PXN: variants seen among roughly 807,000 people sequenced by gnomAD.
PXN encodes the protein paxillin, also known as testicular tissue protein Li 134.
PXN carries 61 observed loss-of-function variants against 103.6 expected under a neutral mutation model. That is an observed-to-expected ratio of 0.59 (90% CI 0.48 to 0.73). PXN has a LOEUF of 0.73. PXN is among the 30% of genes least tolerant of loss of function. The pLI, the probability that PXN is intolerant of heterozygous loss-of-function variation, is 0.00. For synonymous variants in PXN, 562 were observed against 607.8 expected, an observed-to-expected ratio of 0.92 and a Z score of 1.11; for missense variants, 1,274 against 1,460.3, an observed-to-expected ratio of 0.87 and a Z score of 2.08.
rs978436381 is a variant in PXN, at chr12:120,229,120, C to T, written c.14-4743G>A. ...ACATTCCTGTACCCACCTAGGGGCT[C>T]CGGGTGGAAGGAAACCTGGGTCCCC... On this transcript the variant is annotated intron_variant, in intron 1 of 14. Transcript: ENST00000637617. This position sits in a 1 kb window ranked among gnomAD's most constrained non-coding sequence, Gnocchi z 4.0. 1.2e-4 allele frequency among the ~76,000 whole-genome samples: 18 copies of T among 152,184 alleles called. No homozygotes were observed. Among genetic ancestry groups the T allele is most frequent in the Non-Finnish European group, 1.9e-4 (13 of 68,030 alleles).
Position 120,228,614 on chromosome 12 carries a change from GGC to G in PXN, c.14-4239_14-4238del, listed in dbSNP as rs1332414575. 1.3e-5 allele frequency among the ~76,000 whole-genome samples: 2 copies of G among 152,210 alleles called. No homozygotes were observed. Among genetic ancestry groups the G allele is most frequent in the Non-Finnish European group, 2.9e-5 (2 of 68,038 alleles). ...GAAGACTGGGGAGCCCCTGGCCATGGGCGCAGTGGGGAAGTTTCTATCCTTAG... is the reference window on the plus strand; with the variant it reads ...GAAGACTGGGGAGCCCCTGGCCATGGGCAGTGGGGAAGTTTCTATCCTTAG... On this transcript the variant is annotated intron_variant, in intron 1 of 14. Transcript: ENST00000637617. This position sits in a 1 kb window ranked among gnomAD's most constrained non-coding sequence, Gnocchi z 4.7.
intron 1 of PXN, among the ~76,000 whole-genome samples, chr12:120,240,207 C>G (rs922106384): frequency 1.3e-5 from 2 of 152,080 alleles, no homozygotes; most frequent in Non-Finnish European, 2.9e-5. Context: ...ATAAAGCAGT[C>G]CTGGTACATC....
chr12:120,226,611 A>C, intron 1 of PXN: 1 of 1,189,572 alleles, frequency 8.4e-7, no homozygotes, highest in Admixed American at 3.6e-5. Context: ...TATGGATTGG[A>C]TTCAGGTTTA....
chr12:120,218,558 T>G (rs1267082083), intron 7 of PXN, among the ~76,000 whole-genome samples: 1 of 152,154 alleles, frequency 6.6e-6, no homozygotes, highest in East Asian at 1.9e-4. Flanking sequence ...GTATCTTTAG[T>G]AGAGATGGGG....
intron 1 of PXN, among the ~76,000 whole-genome samples, chr12:120,231,567 AG>A (rs1170797505): frequency 1.3e-5 from 2 of 151,988 alleles, no homozygotes; most frequent in Non-Finnish European, 2.9e-5. Context: ...CCAGGGGAGG[AG>A]GGGGTGGTCA....
intron 3 of PXN, 27 bp downstream of exon 3, chr12:120,223,691 G>C (rs201664361): frequency 3.0e-4 from 455 of 1,505,062 alleles, no homozygotes; most frequent in Non-Finnish European, 3.8e-4. Flanking sequence ...CAGGAGGGAA[G>C]GTGCCCTGGG....
chr12:120,245,987 AC>A (rs1392573743), intron 1 of PXN, among the ~76,000 whole-genome samples: 1 of 152,164 alleles, frequency 6.6e-6, no homozygotes, highest in African/African-American at 2.4e-5. Context: ...ATTAATTTAA[AC>A]CTGCAAACCA....
At position 120,220,471 on chromosome 12, in the gene PXN, C is replaced by T. The variant is rs2136271273; in HGVS notation, c.832-380G>A. ...GCTGAACCCGCCTCGGACACTGGCC[C>T]AACTCGGCCATGTCCCTCCGGACAA... On this transcript the variant is annotated intron_variant, in intron 6 of 14. Coordinates refer to ENST00000637617, the MANE Select transcript of PXN (RefSeq NM_001385981.1). The surrounding 1 kb of genome is among the most constrained non-coding windows in gnomAD (Gnocchi z 6.1). Among the ~76,000 whole-genome samples the T allele has an allele frequency of 6.6e-6, 1 of 152,304 alleles. No homozygotes were observed. The highest frequency in any genetic ancestry group is 3.4e-3 in the Middle Eastern group (1 of 294).
intron 1 of PXN, chr12:120,249,813 G>A (rs994383199): frequency 4.1e-6 from 4 of 967,710 alleles, no homozygotes; most frequent in Non-Finnish European, 4.9e-6. Flanking sequence ...GGACACAGCA[G>A]AAGAGGCCAT....
Position 120,225,484 on chromosome 12 carries a change from C to T in PXN, c.14-1107G>A, listed in dbSNP as rs560818019. The T allele has an allele frequency of 1.3e-5, 2 of 152,298 alleles. No homozygotes were observed. The highest frequency in any genetic ancestry group is 2.9e-5 in the Non-Finnish European group (2 of 68,154). 9.4% of individuals were successfully genotyped at this position (152,298 alleles called of 1,614,324 possible). ...CTGCTAGGCATTCTAGCAGCATGTA[C>T]GAGGTCTCCGTTAATCCCCCTAATA... On this transcript the variant is annotated intron_variant, in intron 1 of 14. Coordinates refer to ENST00000637617, the MANE Select transcript of PXN (RefSeq NM_001385981.1). The surrounding 1 kb of genome is among the most constrained non-coding windows in gnomAD (Gnocchi z 4.4).
intron 1 of PXN, among the ~76,000 whole-genome samples, chr12:120,262,633 C>T (rs750962163): frequency 6.6e-6 from 1 of 152,124 alleles, no homozygotes; most frequent in Admixed American, 6.6e-5. Flanking sequence ...TCCCATGAAG[C>T]GCACATGATC....
chr12:120,228,487 AG>A lies in PXN; in HGVS notation c.14-4111del, dbSNP rs1055506673. Among the ~76,000 whole-genome samples the A allele has an allele frequency of 2.0e-5, 3 of 152,202 alleles. No individual in the cohort carries two copies. The highest frequency in any genetic ancestry group is 7.2e-5 in the African/African-American group (3 of 41,462). On this transcript the variant is annotated intron_variant, in intron 1 of 14. Coordinates refer to ENST00000637617, the MANE Select transcript of PXN (RefSeq NM_001385981.1). The surrounding 1 kb of genome is among the most constrained non-coding windows in gnomAD (Gnocchi z 4.7). ...TGTCCTGGCTCCGCCCTGGTGAGGA[AG>A]GGGTGCAGACTGTCTGCTGCTCCCC...
rs116782844 is a variant in PXN at position 120,223,865 on chromosome 12, C to G, written c.241-32G>C. On this transcript the variant is annotated intron_variant, in intron 2 of 14. Transcript: ENST00000637617. ...GAAGGAGAATGCTCAGAGGCTACCC[C>G]GAGGGGAGAAAAAGGAACAGGGGCC... 2,235 of 1,498,240 alleles carry G rather than the reference C, an allele frequency of 1.5e-3. 20 individuals are homozygous for G. In the African/African-American group the frequency reaches 0.025, roughly 17 times the overall value. The allele number at this position is 1,498,240 out of a possible 1,614,324, so 92.8% of individuals were successfully genotyped here.
Position 120,225,805 on chromosome 12 carries a change from G to A in PXN, c.14-1428C>T, listed in dbSNP as rs1410569608. 6.5e-6 allele frequency: 1 copy of A among 153,762 alleles called. No individual in the cohort carries two copies. Among genetic ancestry groups the A allele is most frequent in the Non-Finnish European group, 1.4e-5 (1 of 69,026 alleles). 9.5% of individuals were successfully genotyped at this position (153,762 alleles called of 1,614,324 possible). On this transcript the variant is annotated intron_variant, in intron 1 of 14. Coordinates refer to ENST00000637617, the MANE Select transcript of PXN (RefSeq NM_001385981.1). The surrounding 1 kb of genome is among the most constrained non-coding windows in gnomAD (Gnocchi z 4.4). The stretch of plus-strand genomic sequence containing the variant: ...GTCCCCCAACCTGTGTTCAGAGGAG[G>A]GAATAGAGAAGCAAGGCCCTCACCC...
In PXN at chr12:120,216,887, GTGA is replaced by G. The variant is rs765494433; in HGVS notation, c.1943_1945del (p.Ile648del). The G allele has an allele frequency of 1.4e-5, 22 of 1,519,720 alleles. No individual in the cohort carries two copies. In the African/African-American group the frequency reaches 2.6e-4, roughly 18 times the overall value. 94.1% of individuals were successfully genotyped at this position (1,519,720 alleles called of 1,614,324 possible). On this transcript the variant is annotated inframe_deletion, in exon 8 of 15. Coordinates refer to ENST00000637617, the MANE Select transcript of PXN (RefSeq NM_001385981.1). The surrounding 1 kb of genome is among the most constrained non-coding windows in gnomAD (Gnocchi z 5.1). ...GGCCCGCTTCCCACGTGGCTGCACA[GTGA>G]TGATGACGCCCTCGGTCAGCCAGTC...
At position 120,222,713 on chromosome 12, in the gene PXN, C is replaced by T; in HGVS notation, c.531G>A (p.Leu177=). 6.2e-7 allele frequency: 1 copy of T among 1,608,892 alleles called. No individual in the cohort carries two copies. The highest frequency in any genetic ancestry group is 1.1e-5 in the South Asian group (1 of 90,190). ...TCTCTGGGACACCATAGAGGGGGCT[C>T]AGGGCCCCAGGAAGCGGGGGGCTTG... ...ANSSPPLPGA[L]SPLYGVPETN... The change falls in exon 5 of 15, where the codon CTG becomes CTA. Residue 177 remains leucine (L), a synonymous_variant. Coordinates refer to ENST00000637617, the MANE Select transcript of PXN (RefSeq NM_001385981.1). This position sits in a 1 kb window ranked among gnomAD's most constrained non-coding sequence, Gnocchi z 4.7.
intron 1 of PXN, among the ~76,000 whole-genome samples, chr12:120,242,992 T>G (rs1890416580): frequency 6.6e-6 from 1 of 152,154 alleles, no homozygotes; most frequent in Non-Finnish European, 1.5e-5. Context: ...CCAATGAAGA[T>G]GCAAAGCCTA....
rs143567159 is a variant in PXN, at chr12:120,211,975, A to C, written c.*339T>G. On this transcript the variant is annotated 3_prime_UTR_variant, in exon 15 of 15. Coordinates refer to ENST00000637617, the MANE Select transcript of PXN (RefSeq NM_001385981.1). The stretch of plus-strand genomic sequence containing the variant: ...CCTGCCCCCCGGCTGCACTGCTGAA[A>C]TATGAGGAAGAGATGGCTCCAGTGT... 6.4e-4 allele frequency: 369 copies of C among 580,576 alleles called. No homozygotes were observed. Among genetic ancestry groups the C allele is most frequent in the African/African-American group, 5.9e-3 (324 of 54,472 alleles). 36.0% of individuals were successfully genotyped at this position (580,576 alleles called of 1,614,324 possible).
chr12:120,226,961 T>C, intron 1 of PXN: 3 of 989,062 alleles, frequency 3.0e-6, no homozygotes, highest in Non-Finnish European at 2.4e-6. Flanking sequence ...CATAGCACAT[T>C]GGAAGCTACA....
Sources: allele counts gnomAD v4.1 joint callset (sites outside exome capture counted in the v4.1 genomes callset), GRCh38; gene constraint gnomAD v4.1.1; non-coding constraint Gnocchi (gnomAD v3.1); transcripts MANE v1.5; gene names NCBI Gene and HGNC (gene_info 2026-07-23, HGNC 2026-07-21).